The following ESRRG variants were observed in gnomAD, a reference collection of about 807,000 sequenced individuals.
ESRRG encodes estrogen-related receptor gamma.
ESRRG carries 13 observed loss-of-function variants against 44.0 expected under a neutral mutation model. That is an observed-to-expected ratio of 0.30 (90% CI 0.19 to 0.47). The LOEUF (loss-of-function observed/expected upper bound fraction) is 0.47. ESRRG is among the 20% of genes least tolerant of loss of function. ESRRG has a pLI of 1.00. For missense variants in ESRRG, 395 were observed against 580.6 expected, an observed-to-expected ratio of 0.68 and a Z score of 3.29; for synonymous variants, 215 against 214.6, an observed-to-expected ratio of 1.00 and a Z score of -0.02.
At chr1:216,518,058 G>C (rs746246474) in intron 6 of ESRRG, among the ~76,000 whole-genome samples, 5 of 152,060 alleles carry the variant, frequency 3.3e-5, no homozygotes, top group African/African-American at 1.2e-4. Flanking sequence ...GGCTCTCATG[G>C]GGGCAATTTG....
At chr1:216,934,254 C>T (rs889402060) in intron 2 of ESRRG, among the ~76,000 whole-genome samples, 4 of 151,926 alleles carry the variant, frequency 2.6e-5, no homozygotes, top group Admixed American at 6.6e-5. Flanking sequence ...GCCAACATGG[C>T]GAAACCCCGT....
At chr1:216,803,642 G>T (rs908138440) in intron 2 of ESRRG, among the ~76,000 whole-genome samples, 1 of 151,884 alleles carries the variant, frequency 6.6e-6, no homozygotes, top group Admixed American at 6.6e-5. Flanking sequence ...GTGTATTCAG[G>T]GCTCTCTGTC....
chr1:216,743,279 G>T (rs967129991), intron 2 of ESRRG, among the ~76,000 whole-genome samples: 1 of 152,148 alleles, frequency 6.6e-6, no homozygotes, highest in Non-Finnish European at 1.5e-5. Context: ...ACAGGCACAG[G>T]CTATTCATTT....
chr1:216,810,163 A>C (rs528168425), intron 2 of ESRRG, among the ~76,000 whole-genome samples: 2 of 152,068 alleles, frequency 1.3e-5, no homozygotes, highest in Non-Finnish European at 2.9e-5. Context: ...ACTTTCCTGC[A>C]CTCAGATCAC....
At chr1:216,858,026 C>A (rs2095980997) in intron 2 of ESRRG, among the ~76,000 whole-genome samples, 2 of 152,098 alleles carry the variant, frequency 1.3e-5, no homozygotes, top group Non-Finnish European at 2.9e-5. Context: ...GCGTCAGTTT[C>A]TTCATTTGTA....
intron 2 of ESRRG, among the ~76,000 whole-genome samples, chr1:216,735,987 A>AT (rs1553555388): frequency 1.3e-3 from 175 of 137,106 alleles, no homozygotes; most frequent in African/African-American, 4.0e-3. Context: ...CTCAAAAAAA[A>AT]ATATATATAT....
chr1:216,591,139 T>A (rs1360921752), intron 3 of ESRRG, among the ~76,000 whole-genome samples: 1 of 151,860 alleles, frequency 6.6e-6, no homozygotes, highest in Non-Finnish European at 1.5e-5. Flanking sequence ...TCACCAGAAA[T>A]ACCAAGTCTT....
intron 1 of ESRRG, among the ~76,000 whole-genome samples, chr1:217,099,040 T>C (rs575596306): frequency 1.3e-5 from 2 of 152,350 alleles, no homozygotes; most frequent in East Asian, 3.9e-4. Context: ...TACTCATTTA[T>C]TTTGTTTACT....
chr1:217,127,195 A>G (rs2092903632), intron 1 of ESRRG, among the ~76,000 whole-genome samples: 1 of 152,234 alleles, frequency 6.6e-6, no homozygotes, highest in Admixed American at 6.5e-5. Flanking sequence ...ATTAATGCTA[A>G]CAGCAAGAGA....
chr1:216,535,336 T>C (rs2050616739), intron 5 of ESRRG, among the ~76,000 whole-genome samples: 1 of 152,090 alleles, frequency 6.6e-6, no homozygotes, highest in Admixed American at 6.6e-5. Flanking sequence ...AACCTTCCAC[T>C]GAACATCTTT....
At chr1:217,064,234 T>C (rs979279347) in intron 1 of ESRRG, among the ~76,000 whole-genome samples, 3 of 151,578 alleles carry the variant, frequency 2.0e-5, no homozygotes, top group African/African-American at 7.3e-5. Flanking sequence ...ATTACACACA[T>C]ATGTGTTATG....
At chr1:216,814,888 G>T (rs2095086358) in intron 2 of ESRRG, among the ~76,000 whole-genome samples, 2 of 152,270 alleles carry the variant, frequency 1.3e-5, no homozygotes, top group South Asian at 4.1e-4. Flanking sequence ...GCTGTGAGGA[G>T]ATACTGATTG....
intron 2 of ESRRG, among the ~76,000 whole-genome samples, chr1:216,769,468 T>C (rs1477568709): frequency 6.6e-6 from 1 of 152,074 alleles, no homozygotes; most frequent in Non-Finnish European, 1.5e-5. Flanking sequence ...TTTAAGGTCA[T>C]CAAAGGCCTC....
chr1:216,725,389 A>G (rs895547706), upstream of ESRRG, among the ~76,000 whole-genome samples: 5 of 152,184 alleles, frequency 3.3e-5, no homozygotes, highest in African/African-American at 9.6e-5. Context: ...CAGTGAATTA[A>G]AAGAGCTTTG....
chr1:217,120,050 CAT>C (rs1316914511), intron 1 of ESRRG, among the ~76,000 whole-genome samples: 4 of 152,262 alleles, frequency 2.6e-5, no homozygotes, highest in Middle Eastern at 3.4e-3. Flanking sequence ...TAAAAAGAAA[CAT>C]ATACAAAAGT....
chr1:217,133,641 C>T (rs373200262), intron 1 of ESRRG, among the ~76,000 whole-genome samples: 738 of 41,632 alleles, frequency 0.018, 10 homozygotes, highest in African/African-American at 0.041. Context: ...TTCTCTCTCT[C>T]TCTCTCTTTC....
intron 6 of ESRRG, among the ~76,000 whole-genome samples, chr1:216,518,685 A>G (rs2045140758): frequency 6.6e-6 from 1 of 152,222 alleles, no homozygotes; most frequent in Non-Finnish European, 1.5e-5. Flanking sequence ...ACTTCTAAAG[A>G]ACTCCAGAAT....
chr1:216,942,757 G>T (rs1359912100), intron 1 of ESRRG, among the ~76,000 whole-genome samples: 1 of 152,026 alleles, frequency 6.6e-6, no homozygotes, highest in Non-Finnish European at 1.5e-5. Flanking sequence ...TTTTAATGGG[G>T]CCATTTGTTT....
intron 2 of ESRRG, among the ~76,000 whole-genome samples, chr1:216,813,829 A>C (rs1412532083): frequency 6.6e-6 from 1 of 152,136 alleles, no homozygotes; most frequent in Non-Finnish European, 1.5e-5. Context: ...TCACTCAGAA[A>C]ACACACTCAT....
Sources: allele counts gnomAD v4.1 joint callset (sites outside exome capture counted in the v4.1 genomes callset), GRCh38; gene constraint gnomAD v4.1.1; transcripts MANE v1.5; gene names NCBI Gene and HGNC (gene_info 2026-07-23, HGNC 2026-07-21).